Variants in ARSG observed in about 807,000 individuals in gnomAD.
ARSG encodes arylsulfatase G, also known as ASG.
A neutral mutation model predicts 50.5 loss-of-function variants in ARSG; 37 were observed. The ratio of observed to expected loss-of-function variants is 0.73; its 90% CI spans 0.56 to 0.96. The LOEUF (loss-of-function observed/expected upper bound fraction) is 0.96, where lower values mean the gene tolerates loss of function less well. ARSG is among the 50% of genes least tolerant of loss of function. The pLI is 0.00. For synonymous variants in ARSG, 225 were observed against 254.6 expected (o/e 0.88, Z 1.11); for missense variants, 629 against 675.3 (o/e 0.93, Z 0.76).
In ARSG at chr17:68,367,350, T is replaced by TA. The variant is rs1464800832; in HGVS notation, c.705-1195dup. Among the ~76,000 whole-genome samples, 1 of 152,122 alleles carries TA rather than the reference T, an allele frequency of 6.6e-6. No individual in the cohort carries two copies. The highest frequency in any genetic ancestry group is 1.5e-5 in the Non-Finnish European group (1 of 68,010). Reference sequence around the variant, plus strand: ...TATAGAGCAAGGCTGTAAGGTGGTGTAAACCAGGGTGAGCTAAGGAGAACC... The same window carrying TA: ...TATAGAGCAAGGCTGTAAGGTGGTGTAAAACCAGGGTGAGCTAAGGAGAACC... On this transcript the variant is annotated intron_variant, in intron 6 of 11. Coordinates refer to ENST00000621439, the MANE Select transcript of ARSG (RefSeq NM_001267727.2). The surrounding 1 kb of genome is among the most constrained non-coding windows in gnomAD (Gnocchi z 4.5).
At chr17:68,283,668 C>T (rs1411574163) in intron 1 of ARSG, among the ~76,000 whole-genome samples, 3 of 151,220 alleles carry the variant, frequency 2.0e-5, no homozygotes, top group Non-Finnish European at 4.4e-5. Flanking sequence ...TAACAAACTA[C>T]AGAAATGATC....
rs562606186 is a variant in ARSG, at chr17:68,363,875, G to C, written c.705-4673G>C. On this transcript the variant is annotated intron_variant, in intron 6 of 11. Coordinates refer to ENST00000621439, the MANE Select transcript of ARSG (RefSeq NM_001267727.2). ...AAGATGGCAAAATGGTGGGGCGGGG[G>C]ACAAGTGGTTATTGCAGCAGTCCAT... 2.0e-5 allele frequency among the ~76,000 whole-genome samples: 3 copies of C among 152,146 alleles called. No individual in the cohort carries two copies. In the South Asian group the frequency reaches 6.2e-4, roughly 32 times the overall value.
At chr17:68,427,002 G>A (rs901043002), downstream of ARSG, 43 of 723,356 alleles carry the variant, frequency 5.9e-5, no homozygotes, top group African/African-American at 6.4e-4. Flanking sequence ...CCAGGTAACA[G>A]TGAAGGGGGA....
chr17:68,342,865 G>T (rs1002126990), intron 2 of ARSG, among the ~76,000 whole-genome samples: 1 of 152,182 alleles, frequency 6.6e-6, no homozygotes, highest in Non-Finnish European at 1.5e-5. Flanking sequence ...AGAAGGGAGA[G>T]GGTCACCTCC....
intron 11 of ARSG, among the ~76,000 whole-genome samples, chr17:68,414,662 T>C (rs544348154): frequency 1.5e-3 from 219 of 141,382 alleles, no homozygotes; most frequent in Non-Finnish European, 2.7e-3. Flanking sequence ...TCCTAGACTT[T>C]TGTTGTTGTT....
At chr17:68,272,072 AT>A (rs1568405955) in intron 1 of ARSG, among the ~76,000 whole-genome samples, 1 of 152,070 alleles carries the variant, frequency 6.6e-6, no homozygotes, top group South Asian at 2.1e-4. Context: ...AAGTACTGGG[AT>A]TACAGGCATG....
At position 68,368,551 on chromosome 17, in the gene ARSG, C is replaced by G. The variant is rs2079661020; in HGVS notation, c.708C>G (p.Thr236=). 1 of 1,613,340 alleles carries G rather than the reference C, an allele frequency of 6.2e-7. No individual in the cohort carries two copies. Among genetic ancestry groups the G allele is most frequent in the Non-Finnish European group, 8.5e-7 (1 of 1,179,882 alleles). Residue 236 remains threonine (T), a synonymous_variant, in exon 7 of 12, where the codon ACC becomes ACG. Coordinates refer to ENST00000621439, the MANE Select transcript of ARSG (RefSeq NM_001267727.2). ...CCTCTTGGTTCTCCTGTTTCAGCAC[C>G]AGCGGGAGGCCCTTCCTGCTCTATG... ...KATQFIQRAS[T]SGRPFLLYVA... is the part of the protein sequence containing the mutation.
chr17:68,406,054 C>T (rs7209988), intron 11 of ARSG, among the ~76,000 whole-genome samples: 3,669 of 152,176 alleles, frequency 0.024, 150 homozygotes, highest in African/African-American at 0.083. Context: ...CACTTTACCC[C>T]CAAGTCCCCA....
intron 6 of ARSG, among the ~76,000 whole-genome samples, chr17:68,366,955 A>G (rs941738921): frequency 1.3e-5 from 2 of 151,980 alleles, no homozygotes; most frequent in African/African-American, 2.4e-5. Flanking sequence ...GAATTTGACT[A>G]TTATGGGTAC....
intron 8 of ARSG, among the ~76,000 whole-genome samples, chr17:68,372,531 G>T (rs1426873408): frequency 6.6e-6 from 1 of 152,152 alleles, no homozygotes; most frequent in Admixed American, 6.6e-5. Context: ...GAGTGAAGGG[G>T]AAGGCGCCAC....
chr17:68,392,401 C>A (rs892398420), intron 9 of ARSG, among the ~76,000 whole-genome samples: 1 of 152,208 alleles, frequency 6.6e-6, no homozygotes, highest in Non-Finnish European at 1.5e-5. Flanking sequence ...AAAATATGAA[C>A]AATGGCTGCC....
chr17:68,288,425 A>T (rs1297717740), upstream of ARSG, among the ~76,000 whole-genome samples: 2 of 152,078 alleles, frequency 1.3e-5, no homozygotes, highest in Non-Finnish European at 2.9e-5. Flanking sequence ...CAGAATATAA[A>T]AGTTTATCTG....
At chr17:68,275,982 CA>C (rs1193683472) in intron 1 of ARSG, among the ~76,000 whole-genome samples, 85 of 116,400 alleles carry the variant, frequency 7.3e-4, no homozygotes, top group Admixed American at 7.1e-4. Flanking sequence ...GACTCCGTCT[CA>C]AAAAAAAAAA....
intron 8 of ARSG, among the ~76,000 whole-genome samples, chr17:68,380,176 CT>C (rs2080362179): frequency 1.3e-5 from 2 of 151,946 alleles, no homozygotes; most frequent in South Asian, 4.2e-4. Context: ...TTCCAATTTT[CT>C]TTTTCCTTCC....
chr17:68,279,555 A>G (rs2075627985), intron 1 of ARSG, among the ~76,000 whole-genome samples: 1 of 152,164 alleles, frequency 6.6e-6, no homozygotes, highest in South Asian at 2.1e-4. Flanking sequence ...TAAATAAGGT[A>G]CTATTATACA....
chr17:68,425,854 ACT>A (rs2083133813), downstream of ARSG: 1 of 474,492 alleles, frequency 2.1e-6, no homozygotes, highest in South Asian at 3.3e-5. Context: ...GTATTCGGTG[ACT>A]CTAATGCCAT....
At chr17:68,428,235 T>A in the ARSG span, 2 of 151,606 alleles carry the variant, frequency 1.3e-5, no homozygotes, top group Non-Finnish European at 2.9e-5. Context: ...TAGGTTTTTT[T>A]TTTTTTTTAT....
chr17:68,356,700 C>T lies in ARSG; in HGVS notation c.600C>T (p.Ala200=). The change falls in exon 6 of 12, where the codon GCC becomes GCT. Residue 200 remains alanine (A), a synonymous_variant. Transcript: ENST00000621439. ...AAAGAGACTGTTACACTGACGTGGC[C>T]CTCCCTCTTTATGAAAACCTCAACA... The part of the protein sequence containing the change: ...NLQRDCYTDV[A]LPLYENLNIV... The T allele has an allele frequency of 6.2e-7, 1 of 1,614,134 alleles. No homozygotes were observed. Among genetic ancestry groups the T allele is most frequent in the Non-Finnish European group, 8.5e-7 (1 of 1,180,004 alleles).
In ARSG at chr17:68,327,124, C is replaced by A. The variant is rs550696423; in HGVS notation, c.219-16480C>A. On this transcript the variant is annotated intron_variant, in intron 2 of 11. Transcript: ENST00000621439. ...AAGGACAAGTAGGAGTTTGGAAGGG[C>A]AAGAAGAGGGTAATGCATTATTTAG... 1.2e-4 allele frequency among the ~76,000 whole-genome samples: 18 copies of A among 147,910 alleles called. No individual in the cohort carries two copies. In the South Asian group the frequency reaches 2.1e-3, roughly 17 times the overall value.
Sources: gnomAD v4.1 joint callset for allele counts (sites outside exome capture counted in the v4.1 genomes callset) on GRCh38, gnomAD v4.1.1 for gene constraint, Gnocchi (gnomAD v3.1) non-coding constraint, MANE v1.5 for transcripts, NCBI Gene and HGNC (gene_info 2026-07-23, HGNC 2026-07-21) for gene names.